Variants in POM121 observed in about 807,000 individuals in gnomAD.
POM121 encodes POM121 transmembrane nucleoporin, also known as nuclear envelope pore membrane protein POM 121.
POM121 carries 32 observed loss-of-function variants against 81.3 expected under a neutral mutation model. That is an observed-to-expected ratio of 0.39 (90% confidence interval 0.30 to 0.53). The LOEUF is 0.53. Among genes scored for constraint, POM121 ranks in the 20% least tolerant of loss-of-function variants. The probability of loss-of-function intolerance (pLI) is 0.66; values close to 1 mark genes in which losing one functional copy is unlikely to be tolerated. For synonymous variants in POM121, 514 were observed against 694.2 expected, an observed-to-expected ratio of 0.74 and a Z score of 4.08; for missense variants, 1,138 against 1,614.6, an observed-to-expected ratio of 0.70 and a Z score of 5.06.
downstream of POM121, chr7:72,948,829 A>G (rs185507120): frequency 7.6e-3 from 11,716 of 1,537,952 alleles, 900 homozygotes; most frequent in African/African-American, 0.14. Context: ...AACAGCCCCA[A>G]TGCTGGGTAA....
intron 1 of POM121, among the ~76,000 whole-genome samples, chr7:72,888,960 G>T (rs2129574734): frequency 6.6e-6 from 1 of 151,990 alleles, no homozygotes; most frequent in South Asian, 2.1e-4. Context: ...CATATTAATA[G>T]ATTTCCAAGT....
downstream of POM121, chr7:72,948,849 T>G (rs1239957820): frequency 1.9e-6 from 3 of 1,576,952 alleles, no homozygotes; most frequent in Non-Finnish European, 1.7e-6. Context: ...AGAGAGCAGT[T>G]CACCCCATCC....
chr7:72,927,720 C>A (rs1554497828), intron 3 of POM121, among the ~76,000 whole-genome samples: 3 of 151,430 alleles, frequency 2.0e-5, no homozygotes, highest in African/African-American at 7.3e-5. Context: ...AAAAAAAAAT[C>A]CTTATGTGGT....
rs782736370 is a variant in POM121, at chr7:72,943,268, C to G, written c.3275C>G (p.Thr1092Arg). The change falls in exon 11 of 13, where the codon ACA (threonine) becomes AGA (arginine). Residue 1092 changes from threonine (T) to arginine (R), a missense_variant. Thr to Arg is a moderately conservative substitution (Grantham distance 71). Transcript: ENST00000434423. Reference sequence around the variant, plus strand: ...AGCAGCAGCTCGGTGTTTGGCAGCACAACACCATCACCCTTCACGTTTGGG... The same window carrying G: ...AGCAGCAGCTCGGTGTTTGGCAGCAGAACACCATCACCCTTCACGTTTGGG... Reference protein sequence around the residue: ...SGSSSSVFGSTTPSPFTFGGS... With the variant: ...SGSSSSVFGSRTPSPFTFGGS... The G allele has an allele frequency of 2.5e-6, 4 of 1,610,272 alleles. No homozygotes were observed. Among genetic ancestry groups the G allele is most frequent in the Non-Finnish European group, 1.7e-6 (2 of 1,178,720 alleles).
At chr7:72,918,641 G>A (rs183461501) in intron 4 of POM121, among the ~76,000 whole-genome samples, 7 of 152,106 alleles carry the variant, frequency 4.6e-5, no homozygotes, top group Middle Eastern at 6.8e-3. Context: ...GGAACAGCTC[G>A]TGCCCTCGGT....
intron 3 of POM121, among the ~76,000 whole-genome samples, chr7:72,908,698 TTC>T (rs782162777): frequency 1.8e-4 from 28 of 152,202 alleles, no homozygotes; most frequent in Non-Finnish European, 3.8e-4. Context: ...TAGGAACGCA[TTC>T]TCTTTCTCAG....
chr7:72,943,527 G>C lies in POM121; in HGVS notation c.3529+5G>C. ...AGAGCAAACCTGTGTTTGGAGGTAAGGAGGGGCGTGGACTTGGGCTACCGG... is the reference window on the plus strand; with the variant it reads ...AGAGCAAACCTGTGTTTGGAGGTAACGAGGGGCGTGGACTTGGGCTACCGG... On this transcript the variant is annotated splice_donor_5th_base_variant and intron_variant, in intron 11 of 12. Coordinates refer to ENST00000434423, the MANE Select transcript of POM121 (RefSeq NM_001387691.1). 1 of 1,611,430 alleles carries C rather than the reference G, an allele frequency of 6.2e-7. No homozygotes were observed. Among genetic ancestry groups the C allele is most frequent in the Non-Finnish European group, 8.5e-7 (1 of 1,179,632 alleles).
chr7:72,925,987 ACTC>A (rs1308031041), intron 1 of POM121, among the ~76,000 whole-genome samples: 20 of 151,030 alleles, frequency 1.3e-4, no homozygotes, highest in South Asian at 1.3e-3. Context: ...AGTTCTAAAA[ACTC>A]CTCGAATTTT....
downstream of POM121, chr7:72,949,517 G>C (rs782510987): frequency 8.5e-7 from 1 of 1,169,600 alleles, no homozygotes; most frequent in Admixed American, 1.9e-5. Flanking sequence ...GAGCAGGGGT[G>C]AGCTGAGCAT....
intron 1 of POM121, among the ~76,000 whole-genome samples, chr7:72,888,056 G>A (rs3926368): frequency 0.12 from 17,672 of 151,756 alleles, 928 homozygotes; most frequent in African/African-American, 0.13. Flanking sequence ...TAGAGACAGG[G>A]TCTTGCTATG....
At chr7:72,950,091 C>G (rs1554504498), downstream of POM121, 1 of 1,584,284 alleles carries the variant, frequency 6.3e-7, no homozygotes, top group East Asian at 2.2e-5. Flanking sequence ...CGGCCCGGTA[C>G]AGTGGGTGTT....
At chr7:72,906,411 T>C (rs1325802453) in intron 3 of POM121, among the ~76,000 whole-genome samples, 1 of 152,108 alleles carries the variant, frequency 6.6e-6, no homozygotes, top group African/African-American at 2.4e-5. Context: ...AATTGGGGAG[T>C]GTTGGCTGGT....
intron 5 of POM121, among the ~76,000 whole-genome samples, chr7:72,931,352 C>G (rs2129578422): frequency 6.6e-6 from 1 of 152,088 alleles, no homozygotes; most frequent in East Asian, 1.9e-4. Context: ...CTTCAGAAAG[C>G]TTTGGTTTCT....
chr7:72,901,218 C>CT (rs781884870), intron 3 of POM121, among the ~76,000 whole-genome samples: 464 of 139,138 alleles, frequency 3.3e-3, no homozygotes, highest in Non-Finnish European at 4.6e-3. Flanking sequence ...TTCTTTTTTT[C>CT]TTTTTTTTTT....
At chr7:72,911,722 C>A (rs541760888) in intron 3 of POM121, among the ~76,000 whole-genome samples, 3 of 152,142 alleles carry the variant, frequency 2.0e-5, no homozygotes, top group Middle Eastern at 3.2e-3. Context: ...ATGAAATAGA[C>A]GAATGCGTGG....
intron 3 of POM121, among the ~76,000 whole-genome samples, chr7:72,891,353 G>A (rs1460909549): frequency 2.2e-4 from 33 of 151,986 alleles, no homozygotes; most frequent in Admixed American, 2.1e-3. Context: ...CAGCATTATC[G>A]GTCACTTATT....
chr7:72,899,525 GCATTCAC>G (rs1357131775), intron 3 of POM121, among the ~76,000 whole-genome samples: 4 of 151,806 alleles, frequency 2.6e-5, no homozygotes, highest in Non-Finnish European at 5.9e-5. Flanking sequence ...TCTCTCAAGA[GCATTCAC>G]CCGGTCACCA....
upstream of POM121, among the ~76,000 whole-genome samples, chr7:72,923,905 A>G (rs558814925): frequency 7.6e-6 from 1 of 131,190 alleles, no homozygotes; most frequent in East Asian, 2.4e-4. Flanking sequence ...TGGCCTTCTT[A>G]TTTTTTTTTC....
At chr7:72,913,449 G>A (rs1554494591) in intron 3 of POM121, among the ~76,000 whole-genome samples, 1 of 152,136 alleles carries the variant, frequency 6.6e-6, no homozygotes, top group Admixed American at 6.5e-5. Flanking sequence ...TCTATACTGG[G>A]GCCAGGGAGC....
Sources: gnomAD v4.1 joint callset for allele counts (sites outside exome capture counted in the v4.1 genomes callset) on GRCh38, gnomAD v4.1.1 for gene constraint, MANE v1.5 for transcripts, NCBI Gene and HGNC (gene_info 2026-07-23, HGNC 2026-07-21) for gene names.